The following RB1 variants were observed in gnomAD, a reference collection of about 807,000 sequenced individuals.
RB1 encodes retinoblastoma-associated protein.
RB1 carries 18 observed loss-of-function variants against 135.4 expected under a neutral mutation model. The ratio of observed to expected loss-of-function variants is 0.13; its 90% CI spans 0.09 to 0.20. RB1 has a LOEUF of 0.20. Ranked by LOEUF, RB1 falls within the 10% of genes least tolerant of loss-of-function variation. The pLI, the probability that RB1 is intolerant of heterozygous loss-of-function variation, is 1.00. For synonymous variants in RB1, 365 were observed against 373.2 expected (o/e 0.98, Z 0.25); for missense variants, 868 against 1,110.0 (o/e 0.78, Z 3.10).
chr13:48,359,301 T>G (rs1363718268), intron 6 of RB1, among the ~76,000 whole-genome samples: 1 of 151,782 alleles, frequency 6.6e-6, no homozygotes, highest in African/African-American at 2.4e-5. Flanking sequence ...AACAATTATT[T>G]TATAGATGAC....
chr13:48,382,390 C>A (rs1233318009), intron 17 of RB1, among the ~76,000 whole-genome samples: 1 of 152,222 alleles, frequency 6.6e-6, no homozygotes, highest in African/African-American at 2.4e-5. Context: ...GATCGCCATT[C>A]TAACTGGTGT....
In RB1 at chr13:48,373,468, A is replaced by G; in HGVS notation, c.1191A>G (p.Ser397=). ...TAAATTCAGCAAGTGATCAACCTTC[A>G]GAAAATCTGATTTCCTATTTTAACG... is the stretch of plus-strand genomic sequence containing the variant. ...MILNSASDQP[S]ENLISYFNNC... is the part of the protein sequence containing the mutation. The change falls in exon 12 of 27, where the codon TCA becomes TCG. Residue 397 remains serine (S), a synonymous_variant. Transcript: ENST00000267163. 7 of 1,587,644 alleles carry G rather than the reference A, an allele frequency of 4.4e-6. No individual in the cohort carries two copies. The highest frequency in any genetic ancestry group is 5.2e-6 in the Non-Finnish European group (6 of 1,156,250).
intron 2 of RB1, chr13:48,320,042 G>T (rs1952220955): frequency 2.0e-6 from 1 of 496,728 alleles, no homozygotes; most frequent in Non-Finnish European, 3.7e-6. Context: ...GCCAGCCCCG[G>T]GCTGTGCGGC....
chr13:48,395,432 G>A (rs201990006), intron 17 of RB1, among the ~76,000 whole-genome samples: 12 of 152,130 alleles, frequency 7.9e-5, no homozygotes, highest in Admixed American at 2.6e-4. Context: ...AAACTCCTCC[G>A]AGCTAAAGGA....
chr13:48,373,553 A>G (rs1952785646), intron 12 of RB1, 61 bp downstream of exon 12: 2 of 1,091,070 alleles, frequency 1.8e-6, no homozygotes, highest in Non-Finnish European at 2.8e-6. Flanking sequence ...TGAAATTAAA[A>G]GTTAAAGTAC....
chr13:48,436,048 G>T (rs1303566157), intron 17 of RB1, among the ~76,000 whole-genome samples: 4 of 152,134 alleles, frequency 2.6e-5, no homozygotes, highest in Admixed American at 2.6e-4. Context: ...ATGTTAAAAG[G>T]ATGAATGAAA....
intron 2 of RB1, among the ~76,000 whole-genome samples, chr13:48,321,439 A>G (rs1593423214): frequency 6.6e-6 from 1 of 150,772 alleles, no homozygotes; most frequent in African/African-American, 2.4e-5. Context: ...TGACTTTTTA[A>G]TAATGCTCAT....
rs4151567 is a variant in RB1, at chr13:48,439,371, A to C, written c.1696-13622A>C. The stretch of plus-strand genomic sequence containing the variant: ...ATAATCATGAAGACAGAATTTTGGT[A>C]GTGAGGTAGTGAGAGAAATAAAATA... On this transcript the variant is annotated intron_variant, in intron 17 of 26. Coordinates refer to ENST00000267163, the MANE Select transcript of RB1 (RefSeq NM_000321.3). Among the ~76,000 whole-genome samples, 845 of 152,310 alleles carry C rather than the reference A, an allele frequency of 5.5e-3. 5 individuals carry two copies. Among genetic ancestry groups the C allele is most frequent in the Middle Eastern group, 0.01 (3 of 294 alleles).
At chr13:48,350,812 T>A (rs565135539) in intron 6 of RB1, among the ~76,000 whole-genome samples, 4 of 152,178 alleles carry the variant, frequency 2.6e-5, no homozygotes, top group African/African-American at 9.7e-5. Context: ...CTCCCACTTA[T>A]AAGTGAGGCC....
intron 20 of RB1, among the ~76,000 whole-genome samples, chr13:48,462,019 G>C (rs1236995088): frequency 6.6e-6 from 1 of 152,028 alleles, no homozygotes; most frequent in African/African-American, 2.4e-5. Flanking sequence ...TTTTAGTAGA[G>C]ACGGGGTTTC....
At chr13:48,477,464 C>A (rs2138361219) in intron 26 of RB1, 60 bp downstream of exon 26, 2 of 1,330,286 alleles carry the variant, frequency 1.5e-6, no homozygotes, top group African/African-American at 1.4e-5. Flanking sequence ...TGCAAGAAGT[C>A]TTTTCGTTAT....
At chr13:48,472,980 T>A (rs1949481651) in intron 23 of RB1, among the ~76,000 whole-genome samples, 1 of 152,208 alleles carries the variant, frequency 6.6e-6, no homozygotes, top group South Asian at 2.1e-4. Context: ...TACTTAATAT[T>A]CTAAGTTTTT....
At chr13:48,434,875 C>T (rs958314226) in intron 17 of RB1, among the ~76,000 whole-genome samples, 1 of 152,174 alleles carries the variant, frequency 6.6e-6, no homozygotes, top group Non-Finnish European at 1.5e-5. Flanking sequence ...GATCCATTCA[C>T]GATATTGCAT....
chr13:48,343,415 A>G (rs1952464662), intron 3 of RB1, among the ~76,000 whole-genome samples: 1 of 152,184 alleles, frequency 6.6e-6, no homozygotes, highest in African/African-American at 2.4e-5. Flanking sequence ...TTGATATTTT[A>G]TTTAAACGAG....
intron 13 of RB1, among the ~76,000 whole-genome samples, chr13:48,379,335 C>T (rs1242652434): frequency 6.6e-6 from 1 of 151,924 alleles, no homozygotes; most frequent in South Asian, 2.1e-4. Flanking sequence ...GTCTTGGCGG[C>T]CATATTTGTA....
chr13:48,306,602 G>A (rs933840188), intron 1 of RB1, among the ~76,000 whole-genome samples: 1 of 152,138 alleles, frequency 6.6e-6, no homozygotes, highest in Non-Finnish European at 1.5e-5. Flanking sequence ...TTTTACAGAT[G>A]AGAATACTTA....
intron 2 of RB1, chr13:48,317,468 G>T: frequency 2.3e-6 from 1 of 432,730 alleles, no homozygotes. Flanking sequence ...TCCTGGCTAG[G>T]GGTCAGGAAG....
intron 1 of RB1, among the ~76,000 whole-genome samples, chr13:48,305,103 T>C (rs760259906): frequency 2.0e-5 from 3 of 152,232 alleles, no homozygotes; most frequent in Non-Finnish European, 4.4e-5. Flanking sequence ...TTGTCAGCAC[T>C]GGTTCTACTT....
rs897964440 is a variant in RB1 at position 48,317,871 on chromosome 13, T to G, written c.264+10465T>G. Reference sequence around the variant, plus strand: ...CCCGCTCCTTCCTGCACAGCAACTCTGGCCTGAATGAGCCCCATTTCCCGA... The same window carrying G: ...CCCGCTCCTTCCTGCACAGCAACTCGGGCCTGAATGAGCCCCATTTCCCGA... On this transcript the variant is annotated intron_variant, in intron 2 of 26. Transcript: ENST00000267163. 3.5e-5 allele frequency: 14 copies of G among 397,900 alleles called. No individual in the cohort carries two copies. In the Admixed American group the frequency reaches 4.6e-4, roughly 13 times the overall value. The allele number at this position is 397,900 out of a possible 1,614,324, so 24.6% of individuals were successfully genotyped here.
Sources: allele counts gnomAD v4.1 joint callset (sites outside exome capture counted in the v4.1 genomes callset), GRCh38; gene constraint gnomAD v4.1.1; transcripts MANE v1.5; gene names NCBI Gene and HGNC (gene_info 2026-07-23, HGNC 2026-07-21).